COL21A1: variants seen among roughly 807,000 people sequenced by gnomAD.
COL21A1 encodes the protein collagen type XXI alpha 1 chain.
COL21A1 carries 149 observed loss-of-function variants against 137.9 expected under a neutral mutation model. The ratio of observed to expected loss-of-function variants is 1.08; its 90% CI spans 0.95 to 1.24. The LOEUF is 1.24. Among genes scored for constraint, COL21A1 ranks in the 50% most tolerant of loss-of-function variants. COL21A1 has a pLI of 0.00. For synonymous variants in COL21A1, 456 were observed against 391.5 expected (o/e 1.16, Z -1.95); for missense variants, 1,167 against 1,158.4 (o/e 1.01, Z -0.11).
intron 1 of COL21A1, among the ~76,000 whole-genome samples, chr6:56,208,178 G>T (rs780413286): frequency 6.6e-6 from 1 of 151,998 alleles, no homozygotes; most frequent in Non-Finnish European, 1.5e-5. Context: ...TGGAAGTTCT[G>T]GTCAGAGCAA....
At chr6:56,136,086 T>A (rs1449831668) in intron 12 of COL21A1, among the ~76,000 whole-genome samples, 1 of 152,230 alleles carries the variant, frequency 6.6e-6, no homozygotes, top group Non-Finnish European at 1.5e-5. Context: ...CTCTAGTTAA[T>A]TAAACATGAA....
At chr6:56,345,696 T>C (rs1225560888) in intron 1 of COL21A1, among the ~76,000 whole-genome samples, 1 of 152,196 alleles carries the variant, frequency 6.6e-6, no homozygotes, top group Non-Finnish European at 1.5e-5. Context: ...ACAGCTAAGT[T>C]TTTATTTTGA....
At chr6:56,209,541 C>A (rs116286472) in intron 1 of COL21A1, among the ~76,000 whole-genome samples, 2,403 of 152,294 alleles carry the variant, frequency 0.016, 59 homozygotes, top group African/African-American at 0.053. Context: ...CTCATCATCA[C>A]TGGTCTTTAG....
At chr6:56,351,143 G>A (rs921240953) in intron 1 of COL21A1, among the ~76,000 whole-genome samples, 1 of 152,202 alleles carries the variant, frequency 6.6e-6, no homozygotes, top group African/African-American at 2.4e-5. Flanking sequence ...CAAATAATAA[G>A]CTGCCCACTT....
chr6:56,252,970 G>A (rs1471971446), intron 1 of COL21A1, among the ~76,000 whole-genome samples: 1 of 152,216 alleles, frequency 6.6e-6, no homozygotes, highest in South Asian at 2.1e-4. Context: ...TGGATAAATC[G>A]AAGAGCCTAA....
intron 10 of COL21A1, among the ~76,000 whole-genome samples, chr6:56,147,236 TCTTGCTGTC>T (rs1476933828): frequency 6.6e-6 from 1 of 152,148 alleles, no homozygotes; most frequent in Admixed American, 6.5e-5. Flanking sequence ...TCATTTCCTC[TCTTGCTGTC>T]CTGCTACATT....
intron 3 of COL21A1, among the ~76,000 whole-genome samples, 153 bp from the exon 4 acceptor site, chr6:56,171,281 G>A (rs934312169): frequency 6.6e-6 from 1 of 151,762 alleles, no homozygotes; most frequent in Non-Finnish European, 1.5e-5. Flanking sequence ...AAATGTATAT[G>A]AATACATTTT....
intron 1 of COL21A1, among the ~76,000 whole-genome samples, chr6:56,238,253 T>C (rs987852902): frequency 4.6e-5 from 7 of 151,916 alleles, no homozygotes; most frequent in Non-Finnish European, 8.8e-5. Context: ...ACAGGAATCA[T>C]GTCATATTTA....
At chr6:56,156,064 T>A (rs1775721112) in intron 10 of COL21A1, among the ~76,000 whole-genome samples, 1 of 152,222 alleles carries the variant, frequency 6.6e-6, no homozygotes, top group Non-Finnish European at 1.5e-5. Flanking sequence ...TATAAATATA[T>A]CCCAGTGTAT....
Position 56,170,821 on chromosome 6 carries a change from G to T in COL21A1, c.854C>A (p.Ser285Tyr), listed in dbSNP as rs1053225077. 9 of 1,610,772 alleles carry T rather than the reference G, an allele frequency of 5.6e-6. No homozygotes were observed. Among genetic ancestry groups the T allele is most frequent in the Non-Finnish European group, 7.6e-6 (9 of 1,177,958 alleles). ...TTTCTTGACTTTAAATCTTTGAGTA[G>T]ACACAAATACATATGATGGAGGAAG... is the stretch of plus-strand genomic sequence containing the variant. ...EGLPPSYVFV[S>Y]TQRFKVKKIW... The change falls in exon 5 of 30, where the codon TCT becomes TAT. Residue 285 changes from serine (S) to tyrosine (Y), a missense_variant. Ser to Tyr is a moderately radical substitution (Grantham distance 144). Transcript: ENST00000244728.
intron 3 of COL21A1, among the ~76,000 whole-genome samples, chr6:56,177,983 T>C (rs542146690): frequency 6.6e-6 from 1 of 152,252 alleles, no homozygotes; most frequent in South Asian, 2.1e-4. Context: ...TGATTGTGTT[T>C]ATAGATGATA....
At chr6:56,152,567 G>A (rs1161429143) in intron 10 of COL21A1, among the ~76,000 whole-genome samples, 1 of 152,108 alleles carries the variant, frequency 6.6e-6, no homozygotes, top group East Asian at 1.9e-4. Flanking sequence ...TAAATGAGAT[G>A]AGGCAATAAA....
At chr6:56,289,603 A>T (rs74403309) in intron 1 of COL21A1, among the ~76,000 whole-genome samples, 21,794 of 152,112 alleles carry the variant, frequency 0.14, 3,773 homozygotes, top group African/African-American at 0.42. Flanking sequence ...AATGCCCTTG[A>T]TAGTAATAAT....
At chr6:56,310,841 A>G (rs896030237) in intron 1 of COL21A1, among the ~76,000 whole-genome samples, 28 of 108,602 alleles carry the variant, frequency 2.6e-4, no homozygotes, top group Non-Finnish European at 4.9e-4. Context: ...AGAACATATT[A>G]TATAAACATA....
chr6:56,203,926 G>GGCCTCC (rs1304794264), intron 1 of COL21A1, among the ~76,000 whole-genome samples: 1 of 152,156 alleles, frequency 6.6e-6, no homozygotes. Flanking sequence ...GAGGAACGGT[G>GGCCTCC]CACTCTGGCC....
At chr6:56,210,503 G>C (rs543154020) in intron 1 of COL21A1, among the ~76,000 whole-genome samples, 1 of 152,170 alleles carries the variant, frequency 6.6e-6, no homozygotes, top group South Asian at 2.1e-4. Context: ...AATAAATCTA[G>C]GCAAGGACTA....
At chr6:56,069,196 T>A in intron 21 of COL21A1, 79 bp from the exon 22 acceptor site, 1 of 802,274 alleles carries the variant, frequency 1.2e-6, no homozygotes, top group Non-Finnish European at 1.9e-6. Context: ...TCTACATATC[T>A]CAATTTTAAA....
chr6:56,133,372 T>C (rs1452782369), intron 12 of COL21A1, among the ~76,000 whole-genome samples: 1 of 152,100 alleles, frequency 6.6e-6, no homozygotes, highest in African/African-American at 2.4e-5. Context: ...TTATTTAGAG[T>C]ATCTGGCAGA....
At chr6:56,192,501 A>C (rs1411368531) in intron 1 of COL21A1, among the ~76,000 whole-genome samples, 1 of 151,574 alleles carries the variant, frequency 6.6e-6, no homozygotes, top group Non-Finnish European at 1.5e-5. Flanking sequence ...AGAAAAAAAA[A>C]CAACCCCATC....
Sources: gnomAD v4.1 joint callset for allele counts (sites outside exome capture counted in the v4.1 genomes callset) on GRCh38, gnomAD v4.1.1 for gene constraint, MANE v1.5 for transcripts, NCBI Gene and HGNC (gene_info 2026-07-23, HGNC 2026-07-21) for gene names.